The following GNG7 variants were observed in gnomAD, a reference collection of about 807,000 sequenced individuals.
The protein encoded by GNG7 is guanine nucleotide-binding protein G(I)/G(S)/G(O) subunit gamma-7.
GNG7 carries 1 observed loss-of-function variant against 4.0 expected under a neutral mutation model. The ratio of observed to expected loss-of-function variants is 0.25; its 90% CI spans 0.09 to 1.18. The LOEUF (loss-of-function observed/expected upper bound fraction) is 1.18, where lower values mean the gene tolerates loss of function less well. Ranked by LOEUF, GNG7 falls within the 50% of genes most tolerant of loss-of-function variation. The pLI is 0.50. For missense variants in GNG7, 86 were observed against 91.9 expected (o/e 0.94, Z 0.26); for synonymous variants, 34 against 36.9 (o/e 0.92, Z 0.29).
chr19:2,553,470 AT>A (rs1183991639), intron 3 of GNG7, among the ~76,000 whole-genome samples: 1 of 147,078 alleles, frequency 6.8e-6, no homozygotes, highest in Non-Finnish European at 1.5e-5. Context: ...TATGTTATAT[AT>A]TATATACTAT....
chr19:2,561,748 G>T (rs1979747954), intron 2 of GNG7, among the ~76,000 whole-genome samples: 1 of 151,756 alleles, frequency 6.6e-6, no homozygotes, highest in African/African-American at 2.4e-5. Context: ...GGGCATAGCG[G>T]CAGGCGCCTG....
At chr19:2,525,298 C>G (rs1978355856) in intron 3 of GNG7, among the ~76,000 whole-genome samples, 1 of 152,198 alleles carries the variant, frequency 6.6e-6, no homozygotes, top group Non-Finnish European at 1.5e-5. Context: ...CGGTCGGGCT[C>G]TGCCTCGGTG....
chr19:2,689,600 G>A, intron 1 of GNG7, among the ~76,000 whole-genome samples: 1 of 125,364 alleles, frequency 8.0e-6, no homozygotes, highest in South Asian at 2.7e-4. Context: ...TCCAGCCTGG[G>A]CTACAGAGTG....
At chr19:2,575,550 C>CGCAGACAT (rs1980285791) in intron 2 of GNG7, among the ~76,000 whole-genome samples, 1 of 96,614 alleles carries the variant, frequency 1.0e-5, no homozygotes, top group African/African-American at 4.6e-5. Context: ...GGCAGGCACA[C>CGCAGACAT]GCAGACACAC....
At chr19:2,515,197 C>A (rs778576198) in intron 4 of GNG7, 50 bp from the exon 5 acceptor site, 1 of 1,608,300 alleles carries the variant, frequency 6.2e-7, no homozygotes, top group Non-Finnish European at 8.5e-7. Context: ...AAGAGGCTGG[C>A]ACACCCGGGT....
At chr19:2,692,039 C>A (rs988243173) in intron 1 of GNG7, among the ~76,000 whole-genome samples, 2 of 152,186 alleles carry the variant, frequency 1.3e-5, no homozygotes, top group Non-Finnish European at 2.9e-5. Context: ...AGAAGGAGCG[C>A]AGCCCTGCTC....
chr19:2,539,883 TCCTTCCTTCCTTCCTCCTTC>T (rs1978893320), intron 3 of GNG7, among the ~76,000 whole-genome samples: 1 of 46,024 alleles, frequency 2.2e-5, no homozygotes, highest in Non-Finnish European at 3.8e-5. Context: ...TCTCTCCCTC[TCCTTCCTTCCTTCCTCCTTC>T]CCTCCCTCCC....
intron 2 of GNG7, among the ~76,000 whole-genome samples, chr19:2,563,994 A>G (rs1012997858): frequency 6.6e-6 from 1 of 152,120 alleles, no homozygotes; most frequent in Non-Finnish European, 1.5e-5. Flanking sequence ...GGGGTGGGAG[A>G]AACAGCAGGG....
chr19:2,621,614 T>C (rs1246734669), intron 2 of GNG7, among the ~76,000 whole-genome samples: 1 of 151,924 alleles, frequency 6.6e-6, no homozygotes, highest in Non-Finnish European at 1.5e-5. Flanking sequence ...GGAGAATTGC[T>C]TGAACCTGGG....
intron 2 of GNG7, among the ~76,000 whole-genome samples, chr19:2,582,340 T>C (rs1980526595): frequency 1.3e-5 from 2 of 152,116 alleles, no homozygotes. Context: ...TCACATATTA[T>C]CTCAAAATGT....
chr19:2,641,130 T>A (rs1369477653), intron 2 of GNG7, among the ~76,000 whole-genome samples: 1 of 152,220 alleles, frequency 6.6e-6, no homozygotes, highest in Non-Finnish European at 1.5e-5. Context: ...CCTCGAGAAC[T>A]CAGCCCTGCG....
At chr19:2,531,644 A>T (rs9749278) in intron 3 of GNG7, among the ~76,000 whole-genome samples, 2 of 151,302 alleles carry the variant, frequency 1.3e-5, no homozygotes, top group Non-Finnish European at 2.9e-5. Flanking sequence ...GGTGGCAGGC[A>T]CCTGTAGTCC....
At chr19:2,523,960 G>A (rs1341750470) in intron 3 of GNG7, among the ~76,000 whole-genome samples, 1 of 152,204 alleles carries the variant, frequency 6.6e-6, no homozygotes, top group African/African-American at 2.4e-5. Context: ...GCCGCTCAGA[G>A]GGCTCTGATT....
rs536110367 is a variant in GNG7 at position 2,689,386 on chromosome 19, GC to G, written c.-135+13259del. On this transcript the variant is annotated intron_variant, in intron 1 of 4. Coordinates refer to ENST00000382159, the MANE Select transcript of GNG7 (RefSeq NM_052847.3). ...GGTGGGCCTCCCAGCACTTTGGGAG[GC>G]CAAGGCGGGTGGATCACCTGAGGTC... Among the ~76,000 whole-genome samples, 807 of 151,770 alleles carry G rather than the reference GC, an allele frequency of 5.3e-3. 11 individuals carry two copies. Among genetic ancestry groups the G allele is most frequent in the African/African-American group, 0.018 (764 of 41,426 alleles).
intron 1 of GNG7, among the ~76,000 whole-genome samples, chr19:2,667,091 G>A (rs377144648): frequency 2.6e-5 from 4 of 151,782 alleles, no homozygotes; most frequent in East Asian, 2.0e-4. Flanking sequence ...AGGCTGAGGC[G>A]GGTGGATCAC....
At chr19:2,547,950 A>C (rs1979181914) in intron 3 of GNG7, among the ~76,000 whole-genome samples, 1 of 152,188 alleles carries the variant, frequency 6.6e-6, no homozygotes, top group African/African-American at 2.4e-5. Flanking sequence ...GTCCGGGCAC[A>C]CACATGGCCA....
intron 2 of GNG7, among the ~76,000 whole-genome samples, chr19:2,594,844 G>T (rs903682365): frequency 6.6e-6 from 1 of 151,920 alleles, no homozygotes; most frequent in East Asian, 1.9e-4. Flanking sequence ...ATGGCCCGGC[G>T]TGGTGGCTCA....
At position 2,513,454 on chromosome 19, in the gene GNG7, A is replaced by T. The variant is rs1972684172; in HGVS notation, c.*1568T>A. Reference sequence around the variant, plus strand: ...AGGTGATGCCGGCAGGCCCTGGAAGATGTGGCTGCACCTGCTCCCGTCCGT... The same window carrying T: ...AGGTGATGCCGGCAGGCCCTGGAAGTTGTGGCTGCACCTGCTCCCGTCCGT... On this transcript the variant is annotated 3_prime_UTR_variant, in exon 5 of 5. Coordinates refer to ENST00000382159, the MANE Select transcript of GNG7 (RefSeq NM_052847.3). 2.1e-6 allele frequency: 2 copies of T among 944,360 alleles called. No individual in the cohort carries two copies. Among genetic ancestry groups the T allele is most frequent in the Admixed American group, 1.2e-4 (2 of 16,232 alleles). 58.5% of individuals were successfully genotyped at this position (944,360 alleles called of 1,614,324 possible).
chr19:2,520,811 C>G (rs1009274205), intron 3 of GNG7, 86 bp from the exon 4 acceptor site: 7 of 636,432 alleles, frequency 1.1e-5, no homozygotes, highest in Non-Finnish European at 1.7e-5. Context: ...GCTCAACCTT[C>G]CCGACTCTAG....
Sources: gnomAD v4.1 joint callset for allele counts (sites outside exome capture counted in the v4.1 genomes callset) on GRCh38, gnomAD v4.1.1 for gene constraint, MANE v1.5 for transcripts, NCBI Gene and HGNC (gene_info 2026-07-23, HGNC 2026-07-21) for gene names.